METTL9: variants seen among roughly 807,000 people sequenced by gnomAD.
METTL9 encodes the protein protein-L-histidine N-pros-methyltransferase.
A neutral mutation model predicts 36.0 loss-of-function variants in METTL9; 10 were observed. That is an observed-to-expected ratio of 0.28 (90% CI 0.17 to 0.47). The LOEUF is 0.47. METTL9 is among the 20% of genes least tolerant of loss of function. The probability of loss-of-function intolerance (pLI) is 0.99; values close to 1 mark genes in which losing one functional copy is unlikely to be tolerated. For missense variants in METTL9, 246 were observed against 383.5 expected (o/e 0.64, Z 3.00); for synonymous variants, 175 against 149.7 (o/e 1.17, Z -1.23).
upstream of METTL9, among the ~76,000 whole-genome samples, chr16:21,597,525 C>T (rs1964974462): frequency 6.6e-6 from 1 of 152,182 alleles, no homozygotes; most frequent in African/African-American, 2.4e-5. Context: ...AGTCAACTGA[C>T]CCCAAAATCC....
At chr16:21,597,587 GTC>G (rs1964976102), upstream of METTL9, among the ~76,000 whole-genome samples, 2 of 152,268 alleles carry the variant, frequency 1.3e-5, no homozygotes, top group Admixed American at 1.3e-4. Flanking sequence ...ACATTTTGCA[GTC>G]TCTCAGCTAC....
chr16:21,626,887 G>A lies in METTL9; in HGVS notation c.751+1772G>A, dbSNP rs1333601374. 16 of 918,772 alleles carry A rather than the reference G, an allele frequency of 1.7e-5. No homozygotes were observed. The South Asian group carries it at 7.0e-4, about 40-fold the overall frequency. The allele number at this position is 918,772 out of a possible 1,614,324, so 56.9% of individuals were successfully genotyped here. A position where few individuals can be genotyped will look rare whatever the true frequency, so the allele number is the denominator to read the frequency against. ...GCAGGAGATGAAAGAGCAGGGGGAA[G>A]AAACATCAATCTAACCACGAATTTT... On this transcript the variant is annotated intron_variant, in intron 4 of 4. Transcript: ENST00000358154.
rs747420250 is a variant in METTL9 at position 21,647,466 on chromosome 16, CAG to C, written c.752-7754_752-7753del. ...ACTTCTAGGTACCACGGTTGTGTGA[CAG>C]AGAGAGTACAGGCGCCCACAGCACC... On this transcript the variant is annotated intron_variant, in intron 4 of 4. Coordinates refer to ENST00000358154, the MANE Select transcript of METTL9 (RefSeq NM_016025.5). The C allele has an allele frequency of 1.1e-5, 17 of 1,613,780 alleles. No individual in the cohort carries two copies. In the South Asian group the frequency reaches 1.8e-4, roughly 17 times the overall value.
At chr16:21,637,331 T>C (rs1053435754) in intron 4 of METTL9, among the ~76,000 whole-genome samples, 2 of 152,046 alleles carry the variant, frequency 1.3e-5, no homozygotes, top group African/African-American at 4.8e-5. Flanking sequence ...ATCCTTTAGC[T>C]AGACACAAGT....
chr16:21,652,618 G>T (rs760631627), intron 4 of METTL9: 1 of 1,596,596 alleles, frequency 6.3e-7, no homozygotes, highest in Non-Finnish European at 8.5e-7. Flanking sequence ...TGCCGGGGCG[G>T]GTTGGGGTGT....
intron 4 of METTL9, among the ~76,000 whole-genome samples, chr16:21,633,177 T>C (rs1209876975): frequency 6.6e-6 from 1 of 152,124 alleles, no homozygotes; most frequent in Non-Finnish European, 1.5e-5. Context: ...TGTTCCTTGC[T>C]GAGGGCCCTC....
At chr16:21,612,240 T>G (rs1188568963) in intron 1 of METTL9, 1 of 158,802 alleles carries the variant, frequency 6.3e-6, no homozygotes, top group Non-Finnish European at 1.4e-5. Flanking sequence ...TGCTAGCTGT[T>G]TGCCTTCTGA....
chr16:21,629,314 G>C (rs987772639), intron 4 of METTL9, among the ~76,000 whole-genome samples: 1 of 152,128 alleles, frequency 6.6e-6, no homozygotes, highest in African/African-American at 2.4e-5. Flanking sequence ...TGAGAGCAGA[G>C]CCTTCCTGAA....
chr16:21,628,992 C>T (rs983924527), intron 4 of METTL9, among the ~76,000 whole-genome samples: 2 of 151,090 alleles, frequency 1.3e-5, no homozygotes, highest in Non-Finnish European at 2.9e-5. Context: ...CTCCTGGGTT[C>T]AAGTGATTTT....
chr16:21,597,311 G>C (rs1435819515), upstream of METTL9: 1 of 1,287,808 alleles, frequency 7.8e-7, no homozygotes, highest in Admixed American at 2.3e-5. Flanking sequence ...GTCAGCTATT[G>C]AATTTACTCT....
intron 4 of METTL9, chr16:21,646,771 T>C: frequency 3.1e-6 from 1 of 325,280 alleles, no homozygotes; most frequent in Non-Finnish European, 6.1e-6. Flanking sequence ...TTCTCCTGCC[T>C]CAACCTCCCA....
chr16:21,617,749 C>T, intron 2 of METTL9, 116 bp from the exon 3 acceptor site: 1 of 921,228 alleles, frequency 1.1e-6, no homozygotes, highest in Non-Finnish European at 1.7e-6. Context: ...AAATCTTAAC[C>T]ATGTAATAAG....
intron 3 of METTL9, among the ~76,000 whole-genome samples, chr16:21,622,600 AC>A (rs1487884534): frequency 6.6e-6 from 1 of 152,238 alleles, no homozygotes; most frequent in African/African-American, 2.4e-5. Flanking sequence ...CTGGGCTAAT[AC>A]GCAGTTTTAG....
intron 1 of METTL9, among the ~76,000 whole-genome samples, chr16:21,606,603 A>T (rs1965295045): frequency 1.3e-5 from 2 of 152,098 alleles, no homozygotes; most frequent in African/African-American, 4.8e-5. Flanking sequence ...TGGAGATTGG[A>T]AGGTGGGGCT....
rs146893304 is a variant in METTL9, at chr16:21,629,751, T to C, written c.751+4636T>C. On this transcript the variant is annotated intron_variant, in intron 4 of 4. Transcript: ENST00000358154. ...TGGGGACCCAGCAGGTTGGTGCTGC[T>C]GGCTTGGGTGGCCTGCTTTTATTCC... Among the ~76,000 whole-genome samples the C allele has an allele frequency of 3.9e-5, 6 of 152,316 alleles. 1 individual carries two copies. The East Asian group carries it at 1.2e-3, about 29-fold the overall frequency.
chr16:21,638,217 C>T, intron 4 of METTL9, among the ~76,000 whole-genome samples: 1 of 152,144 alleles, frequency 6.6e-6, no homozygotes, highest in Non-Finnish European at 1.5e-5. Flanking sequence ...ACTCAGGAGG[C>T]TGAGGCAGGA....
chr16:21,636,715 A>AAC lies in METTL9; in HGVS notation c.751+11601_751+11602insCA, dbSNP rs1966104200. Among the ~76,000 whole-genome samples, 4 of 152,188 alleles carry AAC rather than the reference A, an allele frequency of 2.6e-5. No individual in the cohort carries two copies. In the South Asian group the frequency reaches 8.3e-4, roughly 31 times the overall value. ...AGGCCAACCACCGCTCCCAACTCTG[A>AAC]AGAGTCGGGGGTTGTTAGCCCTTTC... On this transcript the variant is annotated intron_variant, in intron 4 of 4. Coordinates refer to ENST00000358154, the MANE Select transcript of METTL9 (RefSeq NM_016025.5).
chr16:21,637,472 C>T (rs1456844987), intron 4 of METTL9, among the ~76,000 whole-genome samples: 3 of 152,248 alleles, frequency 2.0e-5, no homozygotes, highest in Non-Finnish European at 4.4e-5. Context: ...CTGATTGGTG[C>T]ATTTACAAAC....
intron 3 of METTL9, among the ~76,000 whole-genome samples, chr16:21,618,573 T>G (rs945231431): frequency 7.9e-5 from 12 of 152,194 alleles, no homozygotes; most frequent in African/African-American, 2.9e-4. Context: ...CATTCTACTT[T>G]GTCTATGAAT....
Sources: allele counts gnomAD v4.1 joint callset (sites outside exome capture counted in the v4.1 genomes callset), GRCh38; gene constraint gnomAD v4.1.1; transcripts MANE v1.5; gene names NCBI Gene and HGNC (gene_info 2026-07-23, HGNC 2026-07-21).